Variants in MEGF11 observed in about 807,000 individuals in gnomAD.
The protein encoded by MEGF11 is multiple epidermal growth factor-like domains protein 11.
MEGF11 carries 126 observed loss-of-function variants against 146.6 expected under a neutral mutation model. The ratio of observed to expected loss-of-function variants is 0.86; its 90% CI spans 0.74 to 1.00. MEGF11 has a LOEUF of 1.00. MEGF11 is among the 50% of genes least tolerant of loss of function. The pLI, the probability that MEGF11 is intolerant of heterozygous loss-of-function variation, is 0.00. For missense variants in MEGF11, 1,509 were observed against 1,521.2 expected, an observed-to-expected ratio of 0.99 and a Z score of 0.13; for synonymous variants, 532 against 583.4, an observed-to-expected ratio of 0.91 and a Z score of 1.27.
At chr15:65,941,379 C>A (rs765979649) in intron 10 of MEGF11, among the ~76,000 whole-genome samples, 1 of 151,914 alleles carries the variant, frequency 6.6e-6, no homozygotes, top group African/African-American at 2.4e-5. Context: ...ACCCGGGAGG[C>A]GGAGATTGCA....
At chr15:66,196,831 A>G (rs891169206) in intron 1 of MEGF11, among the ~76,000 whole-genome samples, 2 of 152,234 alleles carry the variant, frequency 1.3e-5, no homozygotes, top group African/African-American at 4.8e-5. Context: ...GACTGGTCAA[A>G]TCCCCTAGTA....
intron 10 of MEGF11, among the ~76,000 whole-genome samples, chr15:65,956,204 G>GCTGC (rs1263472116): frequency 6.6e-6 from 1 of 152,188 alleles, no homozygotes; most frequent in Non-Finnish European, 1.5e-5. Flanking sequence ...CCCAAGTTGA[G>GCTGC]ACCCATGGCT....
intron 1 of MEGF11, among the ~76,000 whole-genome samples, chr15:66,134,255 G>A (rs1681442114): frequency 6.6e-6 from 1 of 152,022 alleles, no homozygotes; most frequent in Admixed American, 6.5e-5. Flanking sequence ...TGAATTCTGG[G>A]CCCTCAAACC....
At chr15:66,204,399 T>C (rs1418195487) in intron 1 of MEGF11, among the ~76,000 whole-genome samples, 1 of 151,864 alleles carries the variant, frequency 6.6e-6, no homozygotes, top group Non-Finnish European at 1.5e-5. Flanking sequence ...AACAAGACCC[T>C]GTCTCAAAAA....
rs544763201 is a variant in MEGF11 at position 66,250,314 on chromosome 15, G to A, written c.-9+3291C>T. On this transcript the variant is annotated intron_variant, in intron 1 of 25. Transcript: ENST00000395614. Reference sequence around the variant, plus strand: ...ACAGCGTCAAATCTTTCACCTTGGAGCCTTGAACCACTAGAGGGGAGGTTC... The same window carrying A: ...ACAGCGTCAAATCTTTCACCTTGGAACCTTGAACCACTAGAGGGGAGGTTC... 2.6e-5 allele frequency among the ~76,000 whole-genome samples: 4 copies of A among 152,322 alleles called. No individual in the cohort carries two copies. In the East Asian group the frequency reaches 7.7e-4, roughly 29 times the overall value.
chr15:66,249,048 C>T (rs141062794), intron 1 of MEGF11, among the ~76,000 whole-genome samples: 13 of 152,280 alleles, frequency 8.5e-5, no homozygotes, highest in Non-Finnish European at 1.6e-4. Flanking sequence ...ATTTACCAGG[C>T]CAGCCAAGTT....
At chr15:66,247,983 C>CAA (rs66701917) in intron 1 of MEGF11, among the ~76,000 whole-genome samples, 114 of 125,998 alleles carry the variant, frequency 9.0e-4, no homozygotes, top group African/African-American at 3.0e-3. Flanking sequence ...ACTCCGTCTC[C>CAA]AAAAAAAAAA....
At chr15:65,920,262 C>T (rs1031451705) in intron 15 of MEGF11, among the ~76,000 whole-genome samples, 1 of 152,232 alleles carries the variant, frequency 6.6e-6, no homozygotes, top group South Asian at 2.1e-4. Flanking sequence ...CCCATGCTTC[C>T]CCTGGCAGAA....
At chr15:66,150,866 G>T (rs4776750) in intron 1 of MEGF11, among the ~76,000 whole-genome samples, 2,321 of 122,264 alleles carry the variant, frequency 0.019, 22 homozygotes, top group Middle Eastern at 0.034. Context: ...GAGAGAGAGA[G>T]AGAGGAAAGA....
intron 10 of MEGF11, among the ~76,000 whole-genome samples, chr15:65,948,805 GA>G (rs1274390890): frequency 3.3e-5 from 5 of 151,794 alleles, no homozygotes; most frequent in Non-Finnish European, 5.9e-5. Flanking sequence ...GGTGATAACA[GA>G]GCTAGGACTT....
At chr15:66,135,947 C>T (rs542682807) in intron 1 of MEGF11, among the ~76,000 whole-genome samples, 3 of 152,276 alleles carry the variant, frequency 2.0e-5, no homozygotes, top group African/African-American at 7.2e-5. Flanking sequence ...TTGGGCCCTT[C>T]CAACTCTGTA....
At chr15:66,153,877 C>T (rs889754140) in intron 1 of MEGF11, among the ~76,000 whole-genome samples, 4 of 152,174 alleles carry the variant, frequency 2.6e-5, no homozygotes, top group African/African-American at 4.8e-5. Context: ...CACACGGGCT[C>T]GTGCATATTA....
In MEGF11 at chr15:65,930,838, A is replaced by G; in HGVS notation, c.1393T>C (p.Cys465Arg). 6.2e-7 allele frequency: 1 copy of G among 1,610,538 alleles called. No homozygotes were observed. The highest frequency in any genetic ancestry group is 8.5e-7 in the Non-Finnish European group (1 of 1,178,206). Residue 465 changes from cysteine to arginine, a missense_variant, in exon 11 of 26, where the codon TGT becomes CGT. Transcript: ENST00000395614. Reference sequence around the variant, plus strand: ...GGCACATTACCTTCCTTGCAGGTACAGGAGCCATCTACTGGGGAGCAGGTG... The same window carrying G: ...GGCACATTACCTTCCTTGCAGGTACGGGAGCCATCTACTGGGGAGCAGGTG... ...GGTCSPVDGS[C>R]TCKEGWQGLD...
intron 5 of MEGF11, among the ~76,000 whole-genome samples, chr15:66,059,429 A>T (rs2084810130): frequency 6.6e-6 from 1 of 152,210 alleles, no homozygotes; most frequent in Admixed American, 6.5e-5. Flanking sequence ...GGTCCTAGGC[A>T]GAGGAACAGG....
chr15:66,224,131 A>C (rs1006248100), intron 1 of MEGF11, among the ~76,000 whole-genome samples: 4 of 152,204 alleles, frequency 2.6e-5, no homozygotes, highest in African/African-American at 7.2e-5. Context: ...ACTTAGCATT[A>C]ATCCCAGCTC....
Position 65,909,004 on chromosome 15 carries a change from A to AG in MEGF11, c.2998+29dup, listed in dbSNP as rs2078712390. ...CAGGTGCTGGGTCTGGTCTGGCATG[A>AG]GGGGGTGGAGGGTAGGGCTGGGGTC... On this transcript the variant is annotated intron_variant, in intron 23 of 25. Coordinates refer to ENST00000395614, the MANE Select transcript of MEGF11 (RefSeq NM_001385028.1). The AG allele has an allele frequency of 1.1e-5, 15 of 1,402,954 alleles. No homozygotes were observed. The Middle Eastern group carries it at 7.3e-4, about 68-fold the overall frequency. The allele number at this position is 1,402,954 out of a possible 1,614,324, so 86.9% of individuals were successfully genotyped here.
intron 7 of MEGF11, among the ~76,000 whole-genome samples, chr15:65,977,028 G>A (rs955285552): frequency 7.9e-5 from 12 of 152,128 alleles, no homozygotes; most frequent in Admixed American, 4.6e-4. Flanking sequence ...AGTTAGCCGG[G>A]CGTGATGGCG....
chr15:65,936,845 A>G (rs543951068), intron 10 of MEGF11, among the ~76,000 whole-genome samples: 8 of 152,258 alleles, frequency 5.3e-5, no homozygotes, highest in African/African-American at 1.9e-4. Flanking sequence ...AGGCAACAGA[A>G]TATTGTCTAG....
chr15:66,162,345 A>G (rs2089975657), intron 1 of MEGF11, among the ~76,000 whole-genome samples: 2 of 152,240 alleles, frequency 1.3e-5, no homozygotes, highest in Admixed American at 1.3e-4. Context: ...TATGTGATGT[A>G]TATTTTACCA....
Sources: allele counts gnomAD v4.1 joint callset (sites outside exome capture counted in the v4.1 genomes callset), GRCh38; gene constraint gnomAD v4.1.1; transcripts MANE v1.5; gene names NCBI Gene and HGNC (gene_info 2026-07-23, HGNC 2026-07-21).